TYRO3: variants seen among roughly 807,000 people sequenced by gnomAD.
The protein encoded by TYRO3 is TYRO3 protein tyrosine kinase, also known as tyrosine-protein kinase receptor TYRO3.
In TYRO3, 38 loss-of-function variants were observed where a neutral mutation model predicts 95.2. That is an observed-to-expected ratio of 0.40 (90% CI 0.31 to 0.52). The LOEUF (loss-of-function observed/expected upper bound fraction) is 0.52. TYRO3 is among the 20% of genes least tolerant of loss of function. TYRO3 has a pLI of 0.56. For synonymous variants in TYRO3, 367 were observed against 432.9 expected (o/e 0.85, Z 1.89); for missense variants, 812 against 1,116.4 (o/e 0.73, Z 3.89).
intron 6 of TYRO3, 42 bp downstream of exon 6, chr15:41,565,183 G>C (rs1203755231): frequency 7.6e-7 from 1 of 1,318,452 alleles, no homozygotes; most frequent in Non-Finnish European, 1.1e-6. Flanking sequence ...TGGCTGCATG[G>C]CCAGCACTTT....
chr15:41,583,000 T>TTTTTTTTTTTG lies in TYRO3; in HGVS notation c.*4734_*4735insGTTTTTTTTTT, dbSNP rs1555397473. ...TGCACCTGGCAAATTTTTAAGTGTT[T>TTTTTTTTTTTG]TTTTTTTTTTTTAATACAGAGCCTT... On this transcript the variant is annotated 3_prime_UTR_variant, in exon 19 of 19. Transcript: ENST00000263798. 7.7e-6 allele frequency: 1 copy of TTTTTTTTTTTG among 130,000 alleles called. No homozygotes were observed. The highest frequency in any genetic ancestry group is 1.7e-5 in the Non-Finnish European group (1 of 60,564). 8.1% of individuals were successfully genotyped at this position (130,000 alleles called of 1,614,324 possible). A position where few individuals can be genotyped will look rare whatever the true frequency, so the allele number is the denominator to read the frequency against.
chr15:41,567,819 G>C (rs527264166), intron 7 of TYRO3, among the ~76,000 whole-genome samples: 47 of 152,356 alleles, frequency 3.1e-4, no homozygotes, highest in African/African-American at 1.1e-3. Context: ...AAGGATCTGG[G>C]ATCTGAACGA....
intron 18 of TYRO3, chr15:41,574,795 C>T (rs1203133469): frequency 2.2e-6 from 1 of 452,774 alleles, no homozygotes; most frequent in Non-Finnish European, 4.4e-6. Flanking sequence ...TCTCTGCTTA[C>T]TGCAGCCTCA....
intron 11 of TYRO3, 63 bp from the exon 12 acceptor site, chr15:41,570,541 A>G: frequency 1.4e-6 from 2 of 1,424,458 alleles, no homozygotes; most frequent in Non-Finnish European, 1.9e-6. Context: ...TCTGGGGTAT[A>G]AGAGGCTGGG....
chr15:41,564,119 C>G, intron 4 of TYRO3, 65 bp from the exon 5 acceptor site: 1 of 1,461,976 alleles, frequency 6.8e-7, no homozygotes, highest in Non-Finnish European at 9.6e-7. Context: ...GAGTATTCCC[C>G]TTTCCCAGTC....
rs1266864774 is a variant in TYRO3, at chr15:41,562,736, G to T, written c.580+18G>T. 1.3e-6 allele frequency: 2 copies of T among 1,580,588 alleles called. No homozygotes were observed. Among genetic ancestry groups the T allele is most frequent in the South Asian group, 2.3e-5 (2 of 88,024 alleles). Reference sequence around the variant, plus strand: ...TGTAACAGGTGAGCAGCCTCAGAAGGGGGCTGGGAGTGGAGAAGGAGCTGG... The same window carrying T: ...TGTAACAGGTGAGCAGCCTCAGAAGTGGGCTGGGAGTGGAGAAGGAGCTGG... On this transcript the variant is annotated intron_variant, in intron 4 of 18. Transcript: ENST00000263798.
intron 7 of TYRO3, among the ~76,000 whole-genome samples, chr15:41,567,834 G>A (rs934226425): frequency 1.8e-4 from 28 of 152,204 alleles, no homozygotes; most frequent in African/African-American, 6.8e-4. Context: ...GAACGATAAA[G>A]AAGAAGCCAT....
In TYRO3 at chr15:41,559,290, G is replaced by T; in HGVS notation, c.33G>T (p.Gly11=). 14 of 563,890 alleles carry T rather than the reference G, an allele frequency of 2.5e-5. 4 individuals are homozygous for T. The highest frequency in any genetic ancestry group is 5.5e-4 in the Middle Eastern group (1 of 1,812). The allele number at this position is 563,890 out of a possible 1,614,324, so 34.9% of individuals were successfully genotyped here. A position where few individuals can be genotyped will look rare whatever the true frequency, so the allele number is the denominator to read the frequency against. ...TGAGGCGGAGCATGGGGCGGCCGGG[G>T]CTCCCGCCGCTGCCGCTGCCGCCGC... MALRRSMGRP[G]LPPLPLPPPP... is the part of the protein sequence containing the mutation. The change falls in exon 1 of 19, where the codon GGG becomes GGT. Residue 11 remains glycine (G), a synonymous_variant. Transcript: ENST00000263798.
chr15:41,564,866 T>G, intron 5 of TYRO3, 160 bp from the exon 6 acceptor site: 1 of 615,234 alleles, frequency 1.6e-6, no homozygotes, highest in East Asian at 2.8e-5. Context: ...CCCTACTGGT[T>G]GCTTATTTGT....
At position 41,579,285 on chromosome 15, in the gene TYRO3, C is replaced by T. The variant is rs2055898070; in HGVS notation, c.*1009C>T. The T allele has an allele frequency of 6.6e-6, 1 of 152,128 alleles. No homozygotes were observed. Among genetic ancestry groups the T allele is most frequent in the Admixed American group, 6.6e-5 (1 of 15,264 alleles). 9.4% of individuals were successfully genotyped at this position (152,128 alleles called of 1,614,324 possible). On this transcript the variant is annotated 3_prime_UTR_variant, in exon 19 of 19. Transcript: ENST00000263798. ...GGGTCCTAGCTGTTAGGGACATTTC[C>T]AAGCTGTTAGTTGCTGTTTAAAATA...
chr15:41,572,241 G>A (rs2055805721), intron 14 of TYRO3, among the ~76,000 whole-genome samples: 1 of 152,100 alleles, frequency 6.6e-6, no homozygotes, highest in Non-Finnish European at 1.5e-5. Flanking sequence ...GAAAGGAAGG[G>A]GACAGAAGAT....
At chr15:41,569,899 C>G in intron 9 of TYRO3, 128 bp from the exon 10 acceptor site, 1 of 1,202,692 alleles carries the variant, frequency 8.3e-7, no homozygotes, top group Non-Finnish European at 1.1e-6. Flanking sequence ...CCTCTGGAGC[C>G]CCTTTCCCTC....
At position 41,560,393 on chromosome 15, in the gene TYRO3, ATGTGTGTGTGTG is replaced by A. The variant is rs369495054; in HGVS notation, c.125-709_125-698del. On this transcript the variant is annotated intron_variant, in intron 1 of 18. Coordinates refer to ENST00000263798, the MANE Select transcript of TYRO3 (RefSeq NM_006293.4). The stretch of plus-strand genomic sequence containing the variant: ...CCAGGAGGCCAGGAGAGGTGCGTGT[ATGTGTGTGTGTG>A]TGTGTGTGTGTGTGTGTGTGTGTGC... Among the ~76,000 whole-genome samples the A allele has an allele frequency of 3.2e-4, 38 of 120,498 alleles. No individual in the cohort carries two copies. The East Asian group carries it at 4.0e-3, about 13-fold the overall frequency. 79.1% of individuals were successfully genotyped at this position (120,498 alleles called of 152,430 possible). A position where few individuals can be genotyped will look rare whatever the true frequency, so the allele number is the denominator to read the frequency against.
At chr15:41,572,378 T>C in intron 14 of TYRO3, 65 bp from the exon 15 acceptor site, 1 of 1,551,712 alleles carries the variant, frequency 6.4e-7, no homozygotes, top group Non-Finnish European at 8.8e-7. Flanking sequence ...GGTGGGGACT[T>C]ATGCAGACAC....
At chr15:41,569,993 T>C in intron 9 of TYRO3, 34 bp from the exon 10 acceptor site, 1 of 1,605,294 alleles carries the variant, frequency 6.2e-7, no homozygotes, top group Non-Finnish European at 8.5e-7. Flanking sequence ...CATGGTGTCA[T>C]CCTAGCTCAT....
rs1468861195 is a variant in TYRO3, at chr15:41,581,914, AAG to A, written c.*3646_*3647del. On this transcript the variant is annotated 3_prime_UTR_variant, in exon 19 of 19. Transcript: ENST00000263798. ...TGGGATTTTCTGTCTCAAAAAAAAA[AAG>A]AGAGAGACTCTGGATCAAAAAGGAT... is the stretch of plus-strand genomic sequence containing the variant. 1.3e-5 allele frequency: 2 copies of A among 150,970 alleles called. No individual in the cohort carries two copies. The highest frequency in any genetic ancestry group is 1.3e-4 in the Admixed American group (2 of 15,176). 9.4% of individuals were successfully genotyped at this position (150,970 alleles called of 1,614,324 possible). A position where few individuals can be genotyped will look rare whatever the true frequency, so the allele number is the denominator to read the frequency against.
In TYRO3 at chr15:41,568,999, T is replaced by C. The variant is rs1566901078; in HGVS notation, c.1229T>C (p.Val410Ala). 1 of 1,614,086 alleles carries C rather than the reference T, an allele frequency of 6.2e-7. No homozygotes were observed. The highest frequency in any genetic ancestry group is 1.7e-5 in the Admixed American group (1 of 60,018). Reference protein sequence around the residue: ...VGCGPWSQPLVVSSHDRAGQQ... With the variant: ...VGCGPWSQPLAVSSHDRAGQQ... ...TGTGGACCCTGGAGTCAGCCACTGGTGGTCTCTTCTCATGACCGTGCAGGT... is the reference window on the plus strand; with the variant it reads ...TGTGGACCCTGGAGTCAGCCACTGGCGGTCTCTTCTCATGACCGTGCAGGT... The change falls in exon 9 of 19, where the codon GTG becomes GCG. Residue 410 changes from valine to alanine, a missense_variant. Val to Ala is a moderately conservative substitution (Grantham distance 64). Transcript: ENST00000263798.
chr15:41,582,997 G>GTTGTTTTTTTTTTTTT lies in TYRO3; in HGVS notation c.*4723_*4724insGTTTTTTTTTTTTTTT, dbSNP rs1555397468. The GTTGTTTTTTTTTTTTT allele has an allele frequency of 1.9e-5, 2 of 106,110 alleles. No homozygotes were observed. The highest frequency in any genetic ancestry group is 7.1e-4 in the East Asian group (2 of 2,802). 6.6% of individuals were successfully genotyped at this position (106,110 alleles called of 1,614,324 possible). ...CACTGCACCTGGCAAATTTTTAAGT[G>GTTGTTTTTTTTTTTTT]TTTTTTTTTTTTTTTAATACAGAGC... On this transcript the variant is annotated 3_prime_UTR_variant, in exon 19 of 19. Coordinates refer to ENST00000263798, the MANE Select transcript of TYRO3 (RefSeq NM_006293.4).
chr15:41,568,798 G>A (rs2055757324), intron 8 of TYRO3, 80 bp from the exon 9 acceptor site: 3 of 1,525,192 alleles, frequency 2.0e-6, no homozygotes, highest in Non-Finnish European at 2.7e-6. Flanking sequence ...TTCCCAGCTG[G>A]ACCTTTTTCT....
Sources: gnomAD v4.1 joint callset for allele counts (sites outside exome capture counted in the v4.1 genomes callset) on GRCh38, gnomAD v4.1.1 for gene constraint, MANE v1.5 for transcripts, NCBI Gene and HGNC (gene_info 2026-07-23, HGNC 2026-07-21) for gene names.